MAST4: variants seen among roughly 807,000 people sequenced by gnomAD.
The protein encoded by MAST4 is microtubule associated serine/threonine kinase family member 4.
A neutral mutation model predicts 162.7 loss-of-function variants in MAST4; 89 were observed. That is an observed-to-expected ratio of 0.55 (90% confidence interval 0.46 to 0.65). MAST4 has a LOEUF of 0.65. Among genes scored for constraint, MAST4 ranks in the 30% least tolerant of loss-of-function variants. The pLI is 0.00. For missense variants in MAST4, 3,153 were observed against 3,374.0 expected (o/e 0.93, Z 1.62); for synonymous variants, 1,479 against 1,361.1 (o/e 1.09, Z -1.91).
chr5:67,094,545 T>A (rs1209092449), intron 6 of MAST4, among the ~76,000 whole-genome samples: 1 of 152,226 alleles, frequency 6.6e-6, no homozygotes, highest in Non-Finnish European at 1.5e-5. Flanking sequence ...TTGCTTTTTT[T>A]AAAGTGTGTT....
chr5:66,890,247 C>G (rs1762283892), intron 3 of MAST4, among the ~76,000 whole-genome samples: 1 of 152,122 alleles, frequency 6.6e-6, no homozygotes, highest in South Asian at 2.1e-4. Context: ...AAACAATAAA[C>G]TAGAGCTGTT....
intron 1 of MAST4, among the ~76,000 whole-genome samples, chr5:66,653,056 A>G (rs1398111703): frequency 6.6e-6 from 1 of 152,214 alleles, no homozygotes; most frequent in Non-Finnish European, 1.5e-5. Flanking sequence ...TGCTAGATCC[A>G]TAATAGATTT....
chr5:66,604,480 A>G (rs1742751625), intron 1 of MAST4, among the ~76,000 whole-genome samples: 1 of 152,202 alleles, frequency 6.6e-6, no homozygotes, highest in African/African-American at 2.4e-5. Context: ...CTTCTTAACT[A>G]ATTTTATAGG....
intron 4 of MAST4, among the ~76,000 whole-genome samples, chr5:66,923,503 G>A (rs928639862): frequency 2.6e-5 from 4 of 152,310 alleles, no homozygotes; most frequent in African/African-American, 9.6e-5. Flanking sequence ...GCAACTGGTT[G>A]GTGAGGGAAG....
chr5:66,718,165 T>G (rs75971050), intron 1 of MAST4, among the ~76,000 whole-genome samples: 6 of 134,232 alleles, frequency 4.5e-5, no homozygotes, highest in South Asian at 2.5e-4. Flanking sequence ...AACCAGTGGG[T>G]TTTTTTTTCT....
intron 1 of MAST4, among the ~76,000 whole-genome samples, chr5:66,613,128 G>A (rs539766518): frequency 1.3e-5 from 2 of 152,068 alleles, no homozygotes; most frequent in African/African-American, 4.8e-5. Flanking sequence ...TATAGCCCAG[G>A]CATTCTTGAA....
At chr5:67,112,573 CAGAA>C (rs1343620337) in intron 11 of MAST4, among the ~76,000 whole-genome samples, 68 of 152,232 alleles carry the variant, frequency 4.5e-4, no homozygotes, top group African/African-American at 2.6e-4. Flanking sequence ...GAGTGGTTCA[CAGAA>C]CTCAGGGAAA....
chr5:67,052,248 T>A (rs947770869), intron 4 of MAST4, among the ~76,000 whole-genome samples: 1 of 152,180 alleles, frequency 6.6e-6, no homozygotes, highest in Admixed American at 6.5e-5. Context: ...AGATTAGAAA[T>A]CTGTATAGAG....
At chr5:66,828,718 G>C in intron 3 of MAST4, 1 of 1,416,704 alleles carries the variant, frequency 7.1e-7, no homozygotes, top group African/African-American at 1.4e-5. Flanking sequence ...CTGACTCCGG[G>C]CTCCAATCAG....
rs183771265 is a variant in MAST4, at chr5:66,897,353, A to G, written c.643-2598A>G. On this transcript the variant is annotated intron_variant, in intron 3 of 28. Transcript: ENST00000403625. ...AAATAAAATGAGGACACATACACGA[A>G]GTACTGCAGGGACTTTGGCGATAAA... 5.9e-5 allele frequency among the ~76,000 whole-genome samples: 9 copies of G among 152,308 alleles called. No homozygotes were observed. In the East Asian group the frequency reaches 1.5e-3, roughly 26 times the overall value.
chr5:67,130,452 A>G (rs941655134), intron 15 of MAST4, 34 bp downstream of exon 15: 3 of 1,602,020 alleles, frequency 1.9e-6, no homozygotes, highest in South Asian at 2.2e-5. Flanking sequence ...ACCTGTACCC[A>G]GGAATCCCTT....
chr5:67,020,666 T>A (rs961263407), intron 4 of MAST4, among the ~76,000 whole-genome samples: 1 of 152,256 alleles, frequency 6.6e-6, no homozygotes, highest in East Asian at 1.9e-4. Flanking sequence ...AGTTTGGATT[T>A]GGACAGAAGG....
intron 10 of MAST4, among the ~76,000 whole-genome samples, chr5:67,105,680 G>T (rs897998940): frequency 1.8e-4 from 28 of 152,194 alleles, no homozygotes; most frequent in African/African-American, 6.8e-4. Context: ...CATGCACTTG[G>T]GTTTCCTGGC....
At chr5:67,093,951 G>A (rs575618363) in intron 6 of MAST4, among the ~76,000 whole-genome samples, 8 of 152,066 alleles carry the variant, frequency 5.3e-5, no homozygotes, top group Non-Finnish European at 1.2e-4. Context: ...ATATCAACCA[G>A]TGTCCATTTA....
rs57743987 is a variant in MAST4, at chr5:66,789,988, A to ATTTTTTTTTT, written c.642+1215_642+1224dup. 5.9e-4 allele frequency among the ~76,000 whole-genome samples: 31 copies of ATTTTTTTTTT among 52,466 alleles called. 1 individual carries two copies. The highest frequency in any genetic ancestry group is 2.5e-3 in the African/African-American group (22 of 8,744). 34.4% of individuals were successfully genotyped at this position (52,466 alleles called of 152,430 possible). A position where few individuals can be genotyped will look rare whatever the true frequency, so the allele number is the denominator to read the frequency against. On this transcript the variant is annotated intron_variant, in intron 3 of 28. Transcript: ENST00000403625. ...CTTTATGTTTAACATGCTTATTAGA[A>ATTTTTTTTTT]TTTTTTTTTTTTTTTTTTTTTTTTT...
chr5:67,130,339 A>G lies in MAST4; in HGVS notation c.1875A>G (p.Ala625=), dbSNP rs540092240. The part of the protein sequence containing the change: ...AFVERDILTF[A]ENPFVVSMYC... ...TGGAGCGGGATATCCTGACTTTTGC[A>G]GAAAACCCCTTTGTTGTCAGCATGT... Residue 625 remains alanine, a synonymous_variant, in exon 15 of 29, where the codon GCA becomes GCG. Coordinates refer to ENST00000403625, the MANE Select transcript of MAST4 (RefSeq NM_001164664.2). 5 of 1,614,036 alleles carry G rather than the reference A, an allele frequency of 3.1e-6. No homozygotes were observed. In the Admixed American group the frequency reaches 6.7e-5, roughly 22 times the overall value.
intron 1 of MAST4, among the ~76,000 whole-genome samples, chr5:66,715,428 T>C (rs556495638): frequency 1.5e-4 from 22 of 149,486 alleles, no homozygotes; most frequent in African/African-American, 5.4e-4. Flanking sequence ...GGGCCACAGC[T>C]ATCACAACAC....
chr5:66,954,745 A>G (rs1348067341), intron 4 of MAST4, among the ~76,000 whole-genome samples: 1 of 152,092 alleles, frequency 6.6e-6, no homozygotes, highest in Non-Finnish European at 1.5e-5. Context: ...TACTGAAAAT[A>G]TAAAAATTAG....
intron 1 of MAST4, among the ~76,000 whole-genome samples, chr5:66,739,436 G>A (rs1752354721): frequency 6.6e-6 from 1 of 152,100 alleles, no homozygotes; most frequent in African/African-American, 2.4e-5. Flanking sequence ...GAAATAGGTG[G>A]TAGAGAATGA....
Sources: allele counts gnomAD v4.1 joint callset (sites outside exome capture counted in the v4.1 genomes callset), GRCh38; gene constraint gnomAD v4.1.1; transcripts MANE v1.5; gene names NCBI Gene and HGNC (gene_info 2026-07-23, HGNC 2026-07-21).